Variants in DLGAP1 observed in about 807,000 individuals in gnomAD.
DLGAP1 encodes DLG associated protein 1.
Under a neutral mutation model 90.8 loss-of-function variants are expected in DLGAP1, and 11 were observed. The observed-to-expected ratio is 0.12, with a 90% confidence interval of 0.08 to 0.20. DLGAP1 has a LOEUF of 0.20. DLGAP1 is among the 10% of genes least tolerant of loss of function. DLGAP1 has a pLI of 1.00. For missense variants in DLGAP1, 1,050 were observed against 1,333.8 expected, an observed-to-expected ratio of 0.79 and a Z score of 3.31; for synonymous variants, 558 against 540.7, an observed-to-expected ratio of 1.03 and a Z score of -0.44.
At chr18:3,812,820 G>T (rs887634326) in intron 5 of DLGAP1, among the ~76,000 whole-genome samples, 1 of 151,834 alleles carries the variant, frequency 6.6e-6, no homozygotes, top group Admixed American at 6.6e-5. Flanking sequence ...TTAACAATTG[G>T]GTTTGTTTTC....
In DLGAP1 at chr18:4,086,371, C is replaced by T. The variant is rs187755378; in HGVS notation, c.-159+64809G>A. On this transcript the variant is annotated intron_variant, in intron 2 of 12. Coordinates refer to ENST00000315677, the MANE Select transcript of DLGAP1 (RefSeq NM_004746.4). ...TAAACCGGAAGGTGCTAAATAAAAA[C>T]GGCATTATTACTAATTACTTTAGCT... is the stretch of plus-strand genomic sequence containing the variant. 1.4e-3 allele frequency among the ~76,000 whole-genome samples: 212 copies of T among 152,252 alleles called. 2 individuals carry two copies. Among genetic ancestry groups the T allele is most frequent in the Middle Eastern group, 0.01 (3 of 294 alleles).
At chr18:4,440,925 G>A (rs999138128) in intron 1 of DLGAP1, among the ~76,000 whole-genome samples, 1 of 152,124 alleles carries the variant, frequency 6.6e-6, no homozygotes, top group African/African-American at 2.4e-5. Context: ...TTGAGCTAAG[G>A]GTACAACAAT....
chr18:4,430,197 T>A (rs777786554), intron 1 of DLGAP1, among the ~76,000 whole-genome samples: 6 of 152,130 alleles, frequency 3.9e-5, no homozygotes, highest in Non-Finnish European at 8.8e-5. Context: ...GATGGTGTGG[T>A]TAGGGTATTT....
chr18:4,400,735 C>T (rs1183553913), intron 1 of DLGAP1, among the ~76,000 whole-genome samples: 1 of 152,108 alleles, frequency 6.6e-6, no homozygotes, highest in South Asian at 2.1e-4. Context: ...GGCATCATAT[C>T]ATGGCTAACT....
chr18:4,111,736 T>C (rs1036165288), intron 2 of DLGAP1, among the ~76,000 whole-genome samples: 1 of 152,054 alleles, frequency 6.6e-6, no homozygotes. Flanking sequence ...CATTATTATA[T>C]AATGTTTCTT....
intron 7 of DLGAP1, among the ~76,000 whole-genome samples, chr18:3,720,020 G>A (rs147992441): frequency 1.4e-4 from 22 of 152,278 alleles, no homozygotes; most frequent in African/African-American, 4.8e-4. Context: ...ATGAACTTCC[G>A]TCTTGATTAG....
intron 2 of DLGAP1, among the ~76,000 whole-genome samples, chr18:4,128,743 T>A (rs2076270039): frequency 6.6e-6 from 1 of 152,092 alleles, no homozygotes; most frequent in Admixed American, 6.6e-5. Flanking sequence ...CTGGACCACA[T>A]TTACCAATGG....
intron 1 of DLGAP1, among the ~76,000 whole-genome samples, chr18:4,256,210 T>C (rs1411265808): frequency 6.6e-6 from 1 of 152,166 alleles, no homozygotes; most frequent in African/African-American, 2.4e-5. Flanking sequence ...CAAAATGAGA[T>C]GCCATCTCTA....
intron 7 of DLGAP1, among the ~76,000 whole-genome samples, chr18:3,707,283 G>A (rs1235846693): frequency 6.6e-6 from 1 of 152,178 alleles, no homozygotes; most frequent in African/African-American, 2.4e-5. Context: ...TACTTCTCAT[G>A]CTTTTGATGG....
At chr18:3,556,453 A>G (rs1187349095) in intron 9 of DLGAP1, among the ~76,000 whole-genome samples, 2 of 152,194 alleles carry the variant, frequency 1.3e-5, no homozygotes, top group South Asian at 2.1e-4. Context: ...GCAACTAGTC[A>G]TCTTTTTACT....
intron 1 of DLGAP1, among the ~76,000 whole-genome samples, chr18:4,428,339 G>T (rs2083202456): frequency 6.6e-6 from 1 of 152,170 alleles, no homozygotes; most frequent in East Asian, 1.9e-4. Context: ...CCAGCACTTT[G>T]GGAGGCCAAG....
chr18:3,650,445 G>C (rs2059257005), intron 7 of DLGAP1, among the ~76,000 whole-genome samples: 1 of 152,182 alleles, frequency 6.6e-6, no homozygotes, highest in African/African-American at 2.4e-5. Flanking sequence ...GCAACATAGA[G>C]AGACCCTGTC....
intron 1 of DLGAP1, among the ~76,000 whole-genome samples, chr18:4,449,327 C>T (rs1453896850): frequency 6.6e-6 from 1 of 152,206 alleles, no homozygotes; most frequent in Non-Finnish European, 1.5e-5. Flanking sequence ...TGCTTGCCAG[C>T]AGAGTGCATG....
chr18:3,898,029 C>T (rs904306336), intron 3 of DLGAP1, among the ~76,000 whole-genome samples: 19 of 151,806 alleles, frequency 1.3e-4, no homozygotes, highest in African/African-American at 2.4e-4. Flanking sequence ...CTCCTGACCT[C>T]GTGATCCGCC....
chr18:3,713,983 G>A lies in DLGAP1; in HGVS notation c.1591+15152C>T, dbSNP rs368262078. On this transcript the variant is annotated intron_variant, in intron 7 of 12. Transcript: ENST00000315677. ...AACACCCACATATCCTCACAGCATCGTCCGAGGATGTGCCCTGGGAAGCCG... is the reference window on the plus strand; with the variant it reads ...AACACCCACATATCCTCACAGCATCATCCGAGGATGTGCCCTGGGAAGCCG... Among the ~76,000 whole-genome samples, 6 of 152,216 alleles carry A rather than the reference G, an allele frequency of 3.9e-5. No homozygotes were observed. The South Asian group carries it at 8.3e-4, about 21-fold the overall frequency.
At chr18:4,064,018 C>T (rs1460924499) in intron 2 of DLGAP1, among the ~76,000 whole-genome samples, 1 of 152,064 alleles carries the variant, frequency 6.6e-6, no homozygotes, top group Non-Finnish European at 1.5e-5. Context: ...TGTAGTTTCA[C>T]CCACCTGGCA....
At chr18:4,213,194 T>C (rs560425498) in intron 1 of DLGAP1, among the ~76,000 whole-genome samples, 2 of 151,814 alleles carry the variant, frequency 1.3e-5, no homozygotes, top group Admixed American at 1.3e-4. Context: ...AACATGAGAG[T>C]TGGTACCAAG....
intron 2 of DLGAP1, among the ~76,000 whole-genome samples, chr18:4,109,691 C>T (rs2143980130): frequency 6.6e-6 from 1 of 152,272 alleles, no homozygotes; most frequent in Non-Finnish European, 1.5e-5. Flanking sequence ...ATCTCTAGGA[C>T]TCCAGCCTAT....
chr18:3,608,323 C>CA (rs796648071), intron 7 of DLGAP1: 3,162 of 116,598 alleles, frequency 0.027, 94 homozygotes, highest in African/African-American at 0.084. Context: ...AACTCCATCT[C>CA]AAAAAAAAAA....
Sources: allele counts gnomAD v4.1 joint callset (sites outside exome capture counted in the v4.1 genomes callset), GRCh38; gene constraint gnomAD v4.1.1; transcripts MANE v1.5; gene names NCBI Gene and HGNC (gene_info 2026-07-23, HGNC 2026-07-21).